Variants in SAC3D1 observed in about 807,000 individuals in gnomAD.
The protein encoded by SAC3D1 is SAC3 domain containing 1.
SAC3D1 carries 10 observed loss-of-function variants against 12.7 expected under a neutral mutation model. That is an observed-to-expected ratio of 0.79 (90% CI 0.49 to 1.34). The LOEUF (loss-of-function observed/expected upper bound fraction) is 1.34, where lower values mean the gene tolerates loss of function less well. Among genes scored for constraint, SAC3D1 ranks in the 40% most tolerant of loss-of-function variants. The pLI, the probability that SAC3D1 is intolerant of heterozygous loss-of-function variation, is 0.00. For missense variants in SAC3D1, 482 were observed against 531.1 expected, an observed-to-expected ratio of 0.91 and a Z score of 0.91; for synonymous variants, 241 against 250.8, an observed-to-expected ratio of 0.96 and a Z score of 0.37.
Position 65,041,621 on chromosome 11 carries a change from TG to T in SAC3D1, c.331del (p.Asp111ThrfsTer24). 6.8e-7 allele frequency: 1 copy of T among 1,460,676 alleles called. No individual in the cohort carries two copies. The highest frequency in any genetic ancestry group is 2.5e-5 in the Admixed American group (1 of 40,808). 90.5% of individuals were successfully genotyped at this position (1,460,676 alleles called of 1,614,324 possible). A position where few individuals can be genotyped will look rare whatever the true frequency, so the allele number is the denominator to read the frequency against. ...FVADRLRAVL[L>X]DLALQGAGDA... ...GCAGACCGCTTGCGAGCTGTGCTCC[TG>T]GACCTGGCGCTGCAGGGAGCGGGCG... On this transcript the variant is annotated frameshift_variant, in exon 1 of 2. Coordinates refer to ENST00000652489, the MANE Select transcript of SAC3D1 (RefSeq NM_013299.4). LOFTEE classifies it high-confidence loss of function.
upstream of SAC3D1, chr11:65,041,114 G>A (rs954415474): frequency 4.6e-6 from 3 of 651,072 alleles, no homozygotes; most frequent in Admixed American, 9.3e-5. Context: ...TGGGTGAGAG[G>A]ACAGAGGTGG....
In SAC3D1 at chr11:65,044,582, G is replaced by A. The variant is rs1946677275; in HGVS notation, c.932G>A (p.Arg311Lys). Reference protein sequence around the residue: ...LDGEERVVFLRGRYVEEGLPP... With the variant: ...LDGEERVVFLKGRYVEEGLPP... Reference sequence around the variant, plus strand: ...GGAGAGGAGAGAGTTGTGTTCCTGAGGGGTCGCTACGTGGAGGAAGGGCTA... The same window carrying A: ...GGAGAGGAGAGAGTTGTGTTCCTGAAGGGTCGCTACGTGGAGGAAGGGCTA... The change falls in exon 2 of 2, where the codon AGG becomes AAG. Residue 311 changes from arginine to lysine, a missense_variant. Arg to Lys is a conservative substitution (Grantham distance 26). Coordinates refer to ENST00000652489, the MANE Select transcript of SAC3D1 (RefSeq NM_013299.4). The surrounding 1 kb of genome is among the most constrained non-coding windows in gnomAD (Gnocchi z 4.0). 2 of 1,614,160 alleles carry A rather than the reference G, an allele frequency of 1.2e-6. No individual in the cohort carries two copies. Among genetic ancestry groups the A allele is most frequent in the Non-Finnish European group, 1.7e-6 (2 of 1,180,046 alleles).
chr11:65,041,568 C>A lies in SAC3D1; in HGVS notation c.276C>A (p.Ile92=). ...GTGAGGTGGCGGAGAGCGCCGACAT[C>A]GCCCGCGCCGAGGTGGCCAGCTTCG... ...LAGEVAESAD[I]ARAEVASFVA... Residue 92 remains isoleucine, a synonymous_variant, in exon 1 of 2, where the codon ATC becomes ATA. Transcript: ENST00000652489. The A allele has an allele frequency of 6.8e-7, 1 of 1,479,008 alleles. No individual in the cohort carries two copies. The allele number at this position is 1,479,008 out of a possible 1,614,324, so 91.6% of individuals were successfully genotyped here.
chr11:65,040,953 G>T (rs954446217), upstream of SAC3D1: 18 of 376,050 alleles, frequency 4.8e-5, no homozygotes, highest in East Asian at 1.1e-3. Flanking sequence ...CATGGGAGCG[G>T]CCCGGGCTAC....
chr11:65,044,265 T>A lies in SAC3D1; in HGVS notation c.615T>A (p.Ala205=). Residue 205 remains alanine, a synonymous_variant, in exon 2 of 2, where the codon GCT becomes GCA. Coordinates refer to ENST00000652489, the MANE Select transcript of SAC3D1 (RefSeq NM_013299.4). The surrounding 1 kb of genome is among the most constrained non-coding windows in gnomAD (Gnocchi z 4.0). ...EALHEVLQLP[A]ALRACPPLRK... The stretch of plus-strand genomic sequence containing the variant: ...TGCATGAGGTTCTACAGCTGCCTGC[T>A]GCCCTGCGCGCCTGCCCGCCCCTCC... The A allele has an allele frequency of 6.2e-7, 1 of 1,613,092 alleles. No individual in the cohort carries two copies. Among genetic ancestry groups the A allele is most frequent in the Non-Finnish European group, 8.5e-7 (1 of 1,179,982 alleles).
chr11:65,044,083 C>A lies in SAC3D1; in HGVS notation c.575-142C>A. 1 of 933,404 alleles carries A rather than the reference C, an allele frequency of 1.1e-6. No homozygotes were observed. Among genetic ancestry groups the A allele is most frequent in the Non-Finnish European group, 1.6e-6 (1 of 618,402 alleles). The allele number at this position is 933,404 out of a possible 1,614,324, so 57.8% of individuals were successfully genotyped here. A position where few individuals can be genotyped will look rare whatever the true frequency, so the allele number is the denominator to read the frequency against. On this transcript the variant is annotated intron_variant, in intron 1 of 1. Coordinates refer to ENST00000652489, the MANE Select transcript of SAC3D1 (RefSeq NM_013299.4). This position sits in a 1 kb window ranked among gnomAD's most constrained non-coding sequence, Gnocchi z 4.0. ...GGTTGGGGAAGGAGCCAAAGGCTGG[C>A]CCTTAGAGGGGAGAGGGAAGTTGGG...
Position 65,044,302 on chromosome 11 carries a change from GC to G in SAC3D1, c.653del (p.Ala218GlyfsTer2). On this transcript the variant is annotated frameshift_variant, in exon 2 of 2. Transcript: ENST00000652489. LOFTEE classifies it low-confidence loss of function (END_TRUNC). The surrounding 1 kb of genome is among the most constrained non-coding windows in gnomAD (Gnocchi z 4.0). Reference sequence around the variant, plus strand: ...CTGCCCGCCCCTCCGCAAGGCCTTGGCGGTAGATGCTGCCTTCCGAGAGGGC... The same window carrying G: ...CTGCCCGCCCCTCCGCAAGGCCTTGGGGTAGATGCTGCCTTCCGAGAGGGC... ...RACPPLRKAL[A>X]VDAAFREGNA... 6.2e-7 allele frequency: 1 copy of G among 1,613,352 alleles called. No individual in the cohort carries two copies. Among genetic ancestry groups the G allele is most frequent in the South Asian group, 1.1e-5 (1 of 91,086 alleles).
At position 65,041,214 on chromosome 11, in the gene SAC3D1, C is replaced by T. The variant is rs1242995937; in HGVS notation, c.-79C>T. ...GCCCCGACCCGCCGCTCCCCACCCC[C>T]CGGCCGGCCTCGCGTGCCTTCCCGC... On this transcript the variant is annotated 5_prime_UTR_variant, in exon 1 of 2. Transcript: ENST00000652489. The T allele has an allele frequency of 7.2e-7, 1 of 1,384,992 alleles. No homozygotes were observed. The highest frequency in any genetic ancestry group is 1.5e-5 in the African/African-American group (1 of 65,680). 85.8% of individuals were successfully genotyped at this position (1,384,992 alleles called of 1,614,324 possible). A position where few individuals can be genotyped will look rare whatever the true frequency, so the allele number is the denominator to read the frequency against.
At position 65,044,291 on chromosome 11, in the gene SAC3D1, G is replaced by T. The variant is rs574697798; in HGVS notation, c.641G>T (p.Arg214Leu). The T allele has an allele frequency of 7.0e-5, 113 of 1,613,302 alleles. 1 individual carries two copies. Among genetic ancestry groups the T allele is most frequent in the South Asian group, 6.0e-4 (55 of 91,078 alleles). Reference protein sequence around the residue: ...PAALRACPPLRKALAVDAAFR... With the variant: ...PAALRACPPLLKALAVDAAFR... Reference sequence around the variant, plus strand: ...GCCCTGCGCGCCTGCCCGCCCCTCCGCAAGGCCTTGGCGGTAGATGCTGCC... The same window carrying T: ...GCCCTGCGCGCCTGCCCGCCCCTCCTCAAGGCCTTGGCGGTAGATGCTGCC... The change falls in exon 2 of 2, where the codon CGC becomes CTC. Residue 214 changes from arginine to leucine, a missense_variant. Transcript: ENST00000652489. The surrounding 1 kb of genome is among the most constrained non-coding windows in gnomAD (Gnocchi z 4.0).
chr11:65,041,403 T>C lies in SAC3D1; in HGVS notation c.111T>C (p.Gly37=). The change falls in exon 1 of 2, where the codon GGT becomes GGC. Residue 37 remains glycine, a synonymous_variant. Transcript: ENST00000652489. ...HRLHRLEVVP[G]CRQDPPRADP... ...TGCACCGCTTGGAGGTGGTGCCGGGTTGCCGCCAGGACCCGCCCCGCGCGG... is the reference window on the plus strand; with the variant it reads ...TGCACCGCTTGGAGGTGGTGCCGGGCTGCCGCCAGGACCCGCCCCGCGCGG... The C allele has an allele frequency of 6.6e-7, 1 of 1,506,340 alleles. No homozygotes were observed. The highest frequency in any genetic ancestry group is 8.8e-7 in the Non-Finnish European group (1 of 1,134,552). 93.3% of individuals were successfully genotyped at this position (1,506,340 alleles called of 1,614,324 possible).
intron 1 of SAC3D1, chr11:65,043,271 T>G: frequency 5.3e-6 from 1 of 187,528 alleles, no homozygotes; most frequent in Non-Finnish European, 1.2e-5. Context: ...GGACCATGAT[T>G]TTCTTTTCTT....
chr11:65,041,231 C>G lies in SAC3D1; in HGVS notation c.-62C>G. ...CCCACCCCCCGGCCGGCCTCGCGTGCCTTCCCGCAGCACTGCCGTCCCCGG... is the reference window on the plus strand; with the variant it reads ...CCCACCCCCCGGCCGGCCTCGCGTGGCTTCCCGCAGCACTGCCGTCCCCGG... On this transcript the variant is annotated 5_prime_UTR_variant, in exon 1 of 2. Coordinates refer to ENST00000652489, the MANE Select transcript of SAC3D1 (RefSeq NM_013299.4). The G allele has an allele frequency of 6.9e-7, 1 of 1,443,408 alleles. No homozygotes were observed. The highest frequency in any genetic ancestry group is 1.5e-5 in the African/African-American group (1 of 67,078). The allele number at this position is 1,443,408 out of a possible 1,614,324, so 89.4% of individuals were successfully genotyped here.
chr11:65,041,157 G>A, upstream of SAC3D1: 2 of 865,080 alleles, frequency 2.3e-6, no homozygotes, highest in Non-Finnish European at 3.5e-6. Flanking sequence ...GGGGATCATG[G>A]CGGGAAGGCG....
chr11:65,042,687 G>A (rs1041030603), intron 1 of SAC3D1, among the ~76,000 whole-genome samples: 1 of 152,014 alleles, frequency 6.6e-6, no homozygotes, highest in Non-Finnish European at 1.5e-5. Context: ...GACTACAGGC[G>A]TGCACCACCA....
chr11:65,043,615 CAAAAAAAAAA>C (rs58109119), intron 1 of SAC3D1, among the ~76,000 whole-genome samples: 20 of 56,200 alleles, frequency 3.6e-4, no homozygotes, highest in East Asian at 6.2e-4. Context: ...AAGTCTGTCT[CAAAAAAAAAA>C]AAAAAAAAAA....
At chr11:65,041,905 C>T in intron 1 of SAC3D1, 39 bp downstream of exon 1, 1 of 1,375,214 alleles carries the variant, frequency 7.3e-7, no homozygotes, top group Non-Finnish European at 9.4e-7. Context: ...AGCGTGGGGA[C>T]AGGAGCCCAC....
In SAC3D1 at chr11:65,041,602, C is replaced by G; in HGVS notation, c.310C>G (p.Arg104Gly). The change falls in exon 1 of 2, where the codon CGC (arginine) becomes GGC (glycine). Residue 104 changes from arginine to glycine, a missense_variant. Physicochemically the swap from Arg to Gly is moderately radical, Grantham distance 125. This residue lies in a region of SAC3D1 where 197 missense variants were observed against 183.2 expected (regional missense o/e 1.08). Coordinates refer to ENST00000652489, the MANE Select transcript of SAC3D1 (RefSeq NM_013299.4). Reference sequence around the variant, plus strand: ...CGAGGTGGCCAGCTTCGTGGCAGACCGCTTGCGAGCTGTGCTCCTGGACCT... The same window carrying G: ...CGAGGTGGCCAGCTTCGTGGCAGACGGCTTGCGAGCTGTGCTCCTGGACCT... ...RAEVASFVADRLRAVLLDLAL... is the reference protein window; with the variant it reads ...RAEVASFVADGLRAVLLDLAL... The G allele has an allele frequency of 2.7e-6, 4 of 1,471,610 alleles. No individual in the cohort carries two copies. The highest frequency in any genetic ancestry group is 2.1e-4 in the Middle Eastern group (1 of 4,654). The allele number at this position is 1,471,610 out of a possible 1,614,324, so 91.2% of individuals were successfully genotyped here. A position where few individuals can be genotyped will look rare whatever the true frequency, so the allele number is the denominator to read the frequency against.
Position 65,044,361 on chromosome 11 carries a change from C to T in SAC3D1, c.711C>T (p.Thr237=). The change falls in exon 2 of 2, where the codon ACC becomes ACT. Residue 237 remains threonine, a synonymous_variant. Transcript: ENST00000652489. This position sits in a 1 kb window ranked among gnomAD's most constrained non-coding sequence, Gnocchi z 4.0. ...NAARLFRLLQ[T]LPYLPSCAVQ... ...CCCGCCTGTTCCGTCTGCTCCAGAC[C>T]CTGCCCTACCTGCCAAGTTGCGCTG... 4 of 1,613,510 alleles carry T rather than the reference C, an allele frequency of 2.5e-6. No homozygotes were observed. The highest frequency in any genetic ancestry group is 3.4e-6 in the Non-Finnish European group (4 of 1,180,018).
rs769676103 is a variant in SAC3D1, at chr11:65,041,458, C to T, written c.166C>T (p.Arg56Ter). 3 of 1,485,298 alleles carry T rather than the reference C, an allele frequency of 2.0e-6. No individual in the cohort carries two copies. The highest frequency in any genetic ancestry group is 2.5e-5 in the South Asian group (2 of 79,056). The allele number at this position is 1,485,298 out of a possible 1,614,324, so 92.0% of individuals were successfully genotyped here. A position where few individuals can be genotyped will look rare whatever the true frequency, so the allele number is the denominator to read the frequency against. The change falls in exon 1 of 2, where the codon CGA (arginine) becomes TGA (stop). Residue 56 changes from arginine to a stop codon, truncating the protein, a stop_gained. Transcript: ENST00000652489. LOFTEE classifies it high-confidence loss of function. The stretch of plus-strand genomic sequence containing the variant: ...GCAGCGCGCGGTGAAGGAGTACAGC[C>T]GACCCGCCGCCGGCAAGCCCCGGCC... The part of the protein sequence containing the change: ...DPQRAVKEYS[R>*]PAAGKPRPPP...
Sources: gnomAD v4.1 joint callset for allele counts (sites outside exome capture counted in the v4.1 genomes callset) on GRCh38, gnomAD v4.1.1 for gene constraint, gnomAD v4.1.1 regional missense constraint, Gnocchi (gnomAD v3.1) non-coding constraint, MANE v1.5 for transcripts, NCBI Gene and HGNC (gene_info 2026-07-23, HGNC 2026-07-21) for gene names.